TTN: variants seen among roughly 807,000 people sequenced by gnomAD.
TTN encodes the protein titin.
A neutral mutation model predicts 3,223.0 loss-of-function variants in TTN; 1,525 were observed. The ratio of observed to expected loss-of-function variants is 0.47; its 90% CI spans 0.45 to 0.49. The LOEUF (loss-of-function observed/expected upper bound fraction) is 0.49, where lower values mean the gene tolerates loss of function less well. Ranked by LOEUF, TTN falls within the 20% of genes least tolerant of loss-of-function variation. The pLI, the probability that TTN is intolerant of heterozygous loss-of-function variation, is 0.00. For missense variants in TTN, 40,786 were observed against 43,424.0 expected, an observed-to-expected ratio of 0.94 and a Z score of 5.40; for synonymous variants, 14,094 against 15,161.0, an observed-to-expected ratio of 0.93 and a Z score of 5.17.
rs1553551691 is a variant in TTN at position 178,556,980 on chromosome 2, C to T, written c.88174G>A (p.Glu29392Lys). The change falls in exon 330 of 363, where the codon GAA (glutamate) becomes AAA (lysine). Residue 29392 changes from glutamate (E) to lysine (K), a missense_variant. Coordinates refer to ENST00000589042, the MANE Select transcript of TTN (RefSeq NM_001267550.2). ...WTKASFTNVTETQFIISGLTQ... is the reference protein window; with the variant it reads ...WTKASFTNVTKTQFIISGLTQ... ...AAGCCAGAGATGATGAATTGAGTTTCAGTAACATTGGTGAAGCTGGCCTTG... is the reference window on the plus strand; with the variant it reads ...AAGCCAGAGATGATGAATTGAGTTTTAGTAACATTGGTGAAGCTGGCCTTG... 1.2e-6 allele frequency: 2 copies of T among 1,613,830 alleles called. No homozygotes were observed. The highest frequency in any genetic ancestry group is 1.3e-5 in the African/African-American group (1 of 75,048).
chr2:178,528,244 T>C (rs1340258553), intron 361 of TTN, 30 bp downstream of exon 361: 3 of 1,602,872 alleles, frequency 1.9e-6, no homozygotes, highest in Admixed American at 1.7e-5. Flanking sequence ...GCCTTAAACA[T>C]GTAAGGAAGA....
intron 111 of TTN, among the ~76,000 whole-genome samples, chr2:178,699,691 G>A (rs1474226987): frequency 2.1e-5 from 3 of 143,392 alleles, no homozygotes; most frequent in African/African-American, 7.7e-5. Context: ...GATTACAGGC[G>A]TGAGCCACCG....
Position 178,546,367 on chromosome 2 carries a change from T to G in TTN, c.94964A>C (p.Glu31655Ala). The G allele has an allele frequency of 1.2e-6, 2 of 1,613,788 alleles. No individual in the cohort carries two copies. Among genetic ancestry groups the G allele is most frequent in the South Asian group, 2.2e-5 (2 of 91,074 alleles). ...PKIIWTKGDK[E>A]LDLCEKVSLQ... ...AGAGACTTTTTCACAGAGATCTAGC[T>G]CCTTGTCTCCTTTGGTCCAGATAAT... Residue 31655 changes from glutamate to alanine, a missense_variant, in exon 342 of 363, where the codon GAG becomes GCG. Coordinates refer to ENST00000589042, the MANE Select transcript of TTN (RefSeq NM_001267550.2).
intron 223 of TTN, among the ~76,000 whole-genome samples, chr2:178,637,642 C>T (rs1244240234): frequency 1.3e-5 from 2 of 152,076 alleles, no homozygotes; most frequent in Admixed American, 1.3e-4. Context: ...TTAACAACTT[C>T]TTTCAGCAAG....
chr2:178,781,023 C>CA (rs2092716458), intron 21 of TTN, 98 bp downstream of exon 21: 6 of 1,540,608 alleles, frequency 3.9e-6, no homozygotes, highest in South Asian at 2.3e-5. Context: ...AGTATCAGAA[C>CA]CAGTAAGTGG....
chr2:178,778,148 A>T (rs2092426955), intron 24 of TTN, 173 bp from the exon 25 acceptor site: 1 of 839,768 alleles, frequency 1.2e-6, no homozygotes. Flanking sequence ...TGTTGCCCCC[A>T]CAACTATGTT....
Position 178,553,941 on chromosome 2 carries a change from C to T in TTN, c.89170G>A (p.Glu29724Lys), listed in dbSNP as rs370918981. ...AGQGPFSEPS[E>K]FYKAADPIDP... ...ATAGGATCAGCAGCTTTGTAGAATT[C>T]AGATGGTTCAGAAAATGGACCCTGT... is the stretch of plus-strand genomic sequence containing the variant. Residue 29724 changes from glutamate (E) to lysine (K), a missense_variant, in exon 333 of 363, where the codon GAA (glutamate) becomes AAA (lysine). Coordinates refer to ENST00000589042, the MANE Select transcript of TTN (RefSeq NM_001267550.2). 27 of 1,604,398 alleles carry T rather than the reference C, an allele frequency of 1.7e-5. No individual in the cohort carries two copies. The highest frequency in any genetic ancestry group is 2.1e-5 in the Non-Finnish European group (25 of 1,177,148).
chr2:178,556,952 G>A lies in TTN; in HGVS notation c.88202C>T (p.Thr29401Ile). Residue 29401 changes from threonine to isoleucine, a missense_variant, in exon 330 of 363, where the codon ACT (threonine) becomes ATT (isoleucine). By Grantham distance (89) the Thr-to-Ile change is moderately conservative. Transcript: ENST00000589042. ...TETQFIISGL[T>I]QNSQYEFRVF... ...ACGGAATTCATACTGGGAATTCTGAGTCAAGCCAGAGATGATGAATTGAGT... is the reference window on the plus strand; with the variant it reads ...ACGGAATTCATACTGGGAATTCTGAATCAAGCCAGAGATGATGAATTGAGT... 1 of 1,613,828 alleles carries A rather than the reference G, an allele frequency of 6.2e-7. No individual in the cohort carries two copies. Among genetic ancestry groups the A allele is most frequent in the Non-Finnish European group, 8.5e-7 (1 of 1,179,824 alleles).
chr2:178,677,271 C>G lies in TTN; in HGVS notation c.34308G>C (p.Lys11436Asn). The change falls in exon 147 of 363, where the codon AAG becomes AAC. Residue 11436 changes from lysine (K) to asparagine (N), a missense_variant. Lys to Asn is a moderately conservative substitution (Grantham distance 94). Transcript: ENST00000589042. ...GGACTTTCTTCTCTGGTACAGGTTT[C>G]TTTGGCACTTCAGGCACTTAAAAAC... ...PVPAPVPEVP[K>N]KPVPEKKVPV... 2.5e-6 allele frequency: 3 copies of G among 1,205,462 alleles called. No individual in the cohort carries two copies. The highest frequency in any genetic ancestry group is 6.4e-4 in the Middle Eastern group (2 of 3,112). The allele number at this position is 1,205,462 out of a possible 1,614,324, so 74.7% of individuals were successfully genotyped here.
At chr2:178,795,307 T>A in intron 6 of TTN, 55 bp from the exon 7 acceptor site, 1 of 1,545,760 alleles carries the variant, frequency 6.5e-7, no homozygotes, top group Non-Finnish European at 8.9e-7. Flanking sequence ...GGTAACTGGA[T>A]GTGAATCATG....
rs71393436 is a variant in TTN at position 178,713,381 on chromosome 2, T to TACAAAACAAAACAAAACAAAACAAA, written c.26762-34_26762-10dup. 0.011 allele frequency: 15,659 copies of TACAAAACAAAACAAAACAAAACAAA among 1,468,192 alleles called. 584 individuals carry two copies. In the East Asian group the frequency reaches 0.15, roughly 14 times the overall value. 90.9% of individuals were successfully genotyped at this position (1,468,192 alleles called of 1,614,324 possible). On this transcript the variant is annotated splice_polypyrimidine_tract_variant and intron_variant, in intron 92 of 362. Coordinates refer to ENST00000589042, the MANE Select transcript of TTN (RefSeq NM_001267550.2). ...AGGAGGAACGGTTCGGTCTGAATGA[T>TACAAAACAAAACAAAACAAAACAAA]ACAAAACAAAACAAAACAAAACAAA...
Position 178,589,830 on chromosome 2 carries a change from A to T in TTN, c.61895T>A (p.Leu20632His). 1 of 1,613,570 alleles carries T rather than the reference A, an allele frequency of 6.2e-7. No homozygotes were observed. The highest frequency in any genetic ancestry group is 1.1e-5 in the South Asian group (1 of 91,076). Residue 20632 changes from leucine to histidine, a missense_variant, in exon 304 of 363, where the codon CTT becomes CAT. Transcript: ENST00000589042. ...DVTKRLIKAN[L>H]LANNEYYFRV... Reference sequence around the variant, plus strand: ...GAAATAGTATTCATTGTTGGCTAAAAGGTTGGCCTTGATTAATCGTTTAGT... The same window carrying T: ...GAAATAGTATTCATTGTTGGCTAAATGGTTGGCCTTGATTAATCGTTTAGT...
intron 151 of TTN, among the ~76,000 whole-genome samples, chr2:178,674,060 T>G (rs567025773): frequency 6.6e-6 from 1 of 151,864 alleles, no homozygotes; most frequent in South Asian, 2.1e-4. Context: ...ACTATTATAG[T>G]AGGGCCTGGT....
Position 178,537,669 on chromosome 2 carries a change from C to T in TTN, c.99538G>A (p.Gly33180Arg). ...VYTCIATNEV[G>R]EVETSSKLLL... ...AGCTTACTACTGGTTTCTACTTCTC[C>T]AACCTCATTGGTGGCTATGCAGGTA... Residue 33180 changes from glycine (G) to arginine (R), a missense_variant, in exon 355 of 363, where the codon GGA (glycine) becomes AGA (arginine). Transcript: ENST00000589042. The T allele has an allele frequency of 1.2e-6, 2 of 1,613,822 alleles. No homozygotes were observed. The highest frequency in any genetic ancestry group is 1.7e-6 in the Non-Finnish European group (2 of 1,179,790).
In TTN at chr2:178,684,653, G is replaced by A. The variant is rs781170626; in HGVS notation, c.32638+13C>T. 6.9e-6 allele frequency: 11 copies of A among 1,601,628 alleles called. 1 individual carries two copies. In the South Asian group the frequency reaches 7.9e-5, roughly 12 times the overall value. On this transcript the variant is annotated intron_variant, in intron 131 of 362. Transcript: ENST00000589042. Reference sequence around the variant, plus strand: ...ATATGTTCCTAGTTTTTCTGCTGGGGAGGTTTGTTTACCTTTGGCTGGGAG... The same window carrying A: ...ATATGTTCCTAGTTTTTCTGCTGGGAAGGTTTGTTTACCTTTGGCTGGGAG...
rs747163190 is a variant in TTN at position 178,620,351 on chromosome 2, C to T, written c.46170G>A (p.Pro15390=). 65 of 1,603,974 alleles carry T rather than the reference C, an allele frequency of 4.1e-5. 1 individual carries two copies. The highest frequency in any genetic ancestry group is 4.0e-4 in the South Asian group (36 of 89,580). ...CTTCCAAGTGTTCCACAAATTCTGT[C>T]GGGGCTTCTATGATGAGAAGCTCAG... ...SVAELLIIEA[P]TEFVEHLEDQ... is the part of the protein sequence containing the mutation. The change falls in exon 248 of 363, where the codon CCG becomes CCA. Residue 15390 remains proline, a synonymous_variant. Transcript: ENST00000589042.
intron 144 of TTN, 67 bp from the exon 145 acceptor site, chr2:178,678,275 AAAG>A: frequency 6.5e-7 from 1 of 1,537,516 alleles, no homozygotes; most frequent in Non-Finnish European, 8.8e-7. Flanking sequence ...TAGATATGAA[AAAG>A]AATCACAAAA....
chr2:178,546,688 A>C lies in TTN; in HGVS notation c.94740T>G (p.Tyr31580Ter). 1 of 1,613,814 alleles carries C rather than the reference A, an allele frequency of 6.2e-7. No homozygotes were observed. The change falls in exon 341 of 363, where the codon TAT becomes TAG. Residue 31580 changes from tyrosine to a stop codon, truncating the protein, a stop_gained. Coordinates refer to ENST00000589042, the MANE Select transcript of TTN (RefSeq NM_001267550.2). LOFTEE classifies it high-confidence loss of function. ...CATTCTTGGCTAACACACGGAACTC[A>C]TAAGTGTCTCCTTCACTGAGAGCAG... Reference protein sequence around the residue: ...TVTALSEGDTYEFRVLAKNAA... With the variant: ...TVTALSEGDT
Position 178,621,957 on chromosome 2 carries a change from T to C in TTN, c.44965A>G (p.Ile14989Val), listed in dbSNP as rs755040094. Residue 14989 changes from isoleucine (I) to valine (V), a missense_variant, in exon 244 of 363, where the codon ATC becomes GTC. Coordinates refer to ENST00000589042, the MANE Select transcript of TTN (RefSeq NM_001267550.2). ...ATGCGCACTGCTCCCTTGGATATGATGTCATATTTTTTGCCCTTTTTAATT... is the reference window on the plus strand; with the variant it reads ...ATGCGCACTGCTCCCTTGGATATGACGTCATATTTTTTGCCCTTTTTAATT... ...AEIKKGKKYD[I>V]ISKGAVRILV... The C allele has an allele frequency of 2.5e-6, 4 of 1,611,302 alleles. No individual in the cohort carries two copies. The African/African-American group carries it at 5.3e-5, about 22-fold the overall frequency.
Sources: allele counts gnomAD v4.1 joint callset (sites outside exome capture counted in the v4.1 genomes callset), GRCh38; gene constraint gnomAD v4.1.1; transcripts MANE v1.5; gene names NCBI Gene and HGNC (gene_info 2026-07-23, HGNC 2026-07-21).